The following CFAP47 variants were observed in gnomAD, a reference collection of about 807,000 sequenced individuals.
CFAP47 encodes the protein cilia- and flagella-associated protein 47.
In CFAP47, 29 loss-of-function variants were observed where a neutral mutation model predicts 148.1. The ratio of observed to expected loss-of-function variants is 0.20; its 90% CI spans 0.15 to 0.27. The LOEUF (loss-of-function observed/expected upper bound fraction) is 0.27, where lower values mean the gene tolerates loss of function less well. CFAP47 is among the 10% of genes least tolerant of loss of function. CFAP47 has a pLI of 1.00. For missense variants in CFAP47, 1,872 were observed against 1,697.5 expected, an observed-to-expected ratio of 1.10 and a Z score of -1.81; for synonymous variants, 664 against 577.3, an observed-to-expected ratio of 1.15 and a Z score of -2.15.
chrX:36,367,287 TAAC>T (rs2146995259), intron 62 of CFAP47, among the ~76,000 whole-genome samples, 160 bp downstream of exon 62: 1 of 111,971 alleles, frequency 8.9e-6, no homozygotes, highest in East Asian at 2.8e-4. Context: ...AATTTTTACT[TAAC>T]AATTGGAAAA....
intron 61 of CFAP47, chrX:36,365,678 C>T (rs1471438462): frequency 3.6e-5 from 4 of 110,526 alleles, no homozygotes; most frequent in Non-Finnish European, 7.6e-5. Context: ...GGTCCCGTCT[C>T]TGTGTCCGTG....
intron 26 of CFAP47, among the ~76,000 whole-genome samples, chrX:36,055,080 G>A (rs758424592): frequency 5.5e-5 from 6 of 108,324 alleles, no homozygotes; most frequent in African/African-American, 1.7e-4. Flanking sequence ...CACCATGCCC[G>A]GCCAGCTCTT....
Position 36,173,277 on chromosome X carries a change from G to A in CFAP47, c.6027-6068G>A, listed in dbSNP as rs1939613517. Among the ~76,000 whole-genome samples the A allele has an allele frequency of 7.2e-5, 8 of 111,184 alleles. No individual in the cohort carries two copies. The South Asian group carries it at 2.6e-3, about 37-fold the overall frequency. On this transcript the variant is annotated intron_variant, in intron 39 of 63. Transcript: ENST00000378653. ...TCCTGGATTCGTTAATTTTTTGAAG[G>A]GTTTCTTTTGTCTCTATTTCCTTCA...
intron 54 of CFAP47, 27 bp from the exon 55 acceptor site, chrX:36,306,745 C>T: frequency 1.0e-6 from 1 of 998,782 alleles, no homozygotes; most frequent in Non-Finnish European, 1.4e-6. Context: ...AATTTTTGTT[C>T]CCCCTTTGCT....
At chrX:35,954,115 C>T (rs1049230697) in intron 7 of CFAP47, among the ~76,000 whole-genome samples, 3 of 111,141 alleles carry the variant, frequency 2.7e-5, no homozygotes, top group African/African-American at 9.8e-5. Flanking sequence ...CAAATAGGAA[C>T]AGTAAAAAAC....
At position 36,180,789 on chromosome X, in the gene CFAP47, G is replaced by A. The variant is rs772624813; in HGVS notation, c.6104+1367G>A. Among the ~76,000 whole-genome samples the A allele has an allele frequency of 7.2e-5, 8 of 111,424 alleles. No individual in the cohort carries two copies. The South Asian group carries it at 3.0e-3, about 41-fold the overall frequency. ...GAACGCCAATGTCATGCTTACCTAG[G>A]GCTTTTGAAGTCTTCTTTCACATTT... On this transcript the variant is annotated intron_variant, in intron 40 of 63. Coordinates refer to ENST00000378653, the MANE Select transcript of CFAP47 (RefSeq NM_001304548.2).
At chrX:36,255,949 AAC>A (rs1411840897) in intron 49 of CFAP47, among the ~76,000 whole-genome samples, 16 of 112,250 alleles carry the variant, frequency 1.4e-4, no homozygotes, top group African/African-American at 5.2e-4. Context: ...CTTAAGGAGA[AAC>A]AAACAAATCC....
chrX:36,230,932 G>A (rs1437931486), intron 46 of CFAP47, among the ~76,000 whole-genome samples: 2 of 103,626 alleles, frequency 1.9e-5, no homozygotes, highest in Non-Finnish European at 3.9e-5. Context: ...GATATGCGAC[G>A]TTATTTCTGA....
At chrX:36,136,864 G>C (rs1939054182) in intron 33 of CFAP47, among the ~76,000 whole-genome samples, 1 of 111,518 alleles carries the variant, frequency 9.0e-6, no homozygotes, top group Non-Finnish European at 1.9e-5. Flanking sequence ...GTTTTGATCA[G>C]GAAATAATAC....
At chrX:35,932,872 G>A (rs972693184) in intron 2 of CFAP47, among the ~76,000 whole-genome samples, 7 of 110,955 alleles carry the variant, frequency 6.3e-5, no homozygotes, top group Admixed American at 1.9e-4. Flanking sequence ...TGATCTGCCC[G>A]CTTTGACCTC....
intron 26 of CFAP47, among the ~76,000 whole-genome samples, chrX:36,053,852 G>T (rs772533001): frequency 8.9e-6 from 1 of 112,357 alleles, no homozygotes; most frequent in Non-Finnish European, 1.9e-5. Flanking sequence ...CTGAGAAACT[G>T]TCAAGGTAAT....
intron 2 of CFAP47, among the ~76,000 whole-genome samples, chrX:35,928,646 GT>G (rs374750363): frequency 2.8e-5 from 3 of 105,915 alleles, no homozygotes; most frequent in East Asian, 3.0e-4. Context: ...GAACAAAAGG[GT>G]TTTTTTTTTA....
chrX:35,988,994 T>G (rs1412592055), intron 15 of CFAP47, among the ~76,000 whole-genome samples: 1 of 112,272 alleles, frequency 8.9e-6, no homozygotes, highest in African/African-American at 3.2e-5. Context: ...CTACTGTCTA[T>G]ATGTAAATTT....
At chrX:36,006,216 T>C (rs2146696997) in intron 21 of CFAP47, among the ~76,000 whole-genome samples, 1 of 110,926 alleles carries the variant, frequency 9.0e-6, no homozygotes, top group African/African-American at 3.3e-5. Context: ...GTTCTAAGTA[T>C]TTCTTAATGT....
intron 49 of CFAP47, among the ~76,000 whole-genome samples, chrX:36,261,913 G>A (rs4366219): frequency 0.11 from 12,009 of 110,591 alleles, 1,662 homozygotes; most frequent in African/African-American, 0.37. Flanking sequence ...GGGCAGAGGC[G>A]CCCCCCACCT....
intron 22 of CFAP47, among the ~76,000 whole-genome samples, chrX:36,027,894 C>T (rs1937238703): frequency 9.0e-6 from 1 of 111,205 alleles, no homozygotes. Context: ...TTAATTTGCA[C>T]CTCGCTGATA....
chrX:36,102,964 A>G (rs886786947), intron 32 of CFAP47, among the ~76,000 whole-genome samples: 3 of 111,816 alleles, frequency 2.7e-5, no homozygotes, highest in African/African-American at 9.7e-5. Flanking sequence ...TCAAATTTTG[A>G]AGTACTTCTT....
At chrX:36,059,710 G>A (rs2062711633) in intron 26 of CFAP47, among the ~76,000 whole-genome samples, 3 of 111,977 alleles carry the variant, frequency 2.7e-5, no homozygotes, top group South Asian at 3.7e-4. Context: ...CATTAATAAT[G>A]TGTATATCTG....
chrX:36,340,727 T>C (rs1556015589), intron 57 of CFAP47, among the ~76,000 whole-genome samples: 1 of 111,546 alleles, frequency 9.0e-6, no homozygotes, highest in African/African-American at 3.3e-5. Flanking sequence ...ATTTTTATGT[T>C]GGGGGCACAA....
Sources: gnomAD v4.1 joint callset for allele counts (sites outside exome capture counted in the v4.1 genomes callset) on GRCh38, gnomAD v4.1.1 for gene constraint, MANE v1.5 for transcripts, NCBI Gene and HGNC (gene_info 2026-07-23, HGNC 2026-07-21) for gene names.